The following CTNND2 variants were observed in gnomAD, a reference collection of about 807,000 sequenced individuals.
CTNND2 encodes catenin delta-2.
CTNND2 carries 22 observed loss-of-function variants against 144.4 expected under a neutral mutation model. The ratio of observed to expected loss-of-function variants is 0.15; its 90% confidence interval spans 0.11 to 0.22. CTNND2 has a LOEUF of 0.22. Ranked by LOEUF, CTNND2 falls within the 10% of genes least tolerant of loss-of-function variation. The pLI, the probability that CTNND2 is intolerant of heterozygous loss-of-function variation, is 1.00. For missense variants in CTNND2, 1,353 were observed against 1,618.8 expected (o/e 0.84, Z 2.82); for synonymous variants, 751 against 695.6 (o/e 1.08, Z -1.25).
intron 1 of CTNND2, among the ~76,000 whole-genome samples, chr5:11,735,340 T>A (rs1581796086): frequency 6.6e-6 from 1 of 152,262 alleles, no homozygotes; most frequent in Non-Finnish European, 1.5e-5. Flanking sequence ...TGTGCCCAGA[T>A]AAAGAGTGGA....
intron 11 of CTNND2, among the ~76,000 whole-genome samples, chr5:11,182,442 G>A (rs1457813253): frequency 6.6e-6 from 1 of 152,070 alleles, no homozygotes; most frequent in East Asian, 1.9e-4. Context: ...TTGGAGGAGA[G>A]GGATGGATGT....
chr5:11,010,621 G>A (rs946165214), intron 18 of CTNND2, among the ~76,000 whole-genome samples: 14 of 152,218 alleles, frequency 9.2e-5, no homozygotes, highest in African/African-American at 3.1e-4. Context: ...GATGACAAAA[G>A]GCTGTATTCA....
chr5:11,437,225 A>G (rs1233611719), intron 3 of CTNND2, among the ~76,000 whole-genome samples: 3 of 152,214 alleles, frequency 2.0e-5, no homozygotes, highest in Admixed American at 1.3e-4. Flanking sequence ...CATGACAGTA[A>G]TTCTCAAATC....
At chr5:11,280,800 G>A (rs1747034905) in intron 9 of CTNND2, among the ~76,000 whole-genome samples, 1 of 152,042 alleles carries the variant, frequency 6.6e-6, no homozygotes, top group African/African-American at 2.4e-5. Context: ...GTTTTTCCCT[G>A]AAAGTTGCAT....
chr5:11,440,851 C>A (rs763360794), intron 3 of CTNND2, among the ~76,000 whole-genome samples: 2 of 152,122 alleles, frequency 1.3e-5, no homozygotes, highest in Non-Finnish European at 2.9e-5. Context: ...GCTCTATTAT[C>A]CATAAAATTG....
intron 1 of CTNND2, among the ~76,000 whole-genome samples, chr5:11,749,532 C>A (rs1651167247): frequency 6.6e-6 from 1 of 151,884 alleles, no homozygotes; most frequent in African/African-American, 2.4e-5. Context: ...TCCTCAGGAG[C>A]CATCTCCAAG....
chr5:11,656,354 C>T (rs986149154), intron 2 of CTNND2, among the ~76,000 whole-genome samples: 3 of 151,780 alleles, frequency 2.0e-5, no homozygotes, highest in Admixed American at 2.0e-4. Flanking sequence ...TTTATAAAAC[C>T]TCTACCTTTG....
rs1410706920 is a variant in CTNND2, at chr5:10,988,900, A to G, written c.3212-658T>C. Among the ~76,000 whole-genome samples, 1 of 152,132 alleles carries G rather than the reference A, an allele frequency of 6.6e-6. No homozygotes were observed. The highest frequency in any genetic ancestry group is 2.4e-5 in the African/African-American group (1 of 41,438). ...GCATTCTTGCTCCAGCTTTTTGCAT[A>G]AACACCCCAATAATCTCTGAGGCCC... is the stretch of plus-strand genomic sequence containing the variant. On this transcript the variant is annotated intron_variant, in intron 19 of 21. Coordinates refer to ENST00000304623, the MANE Select transcript of CTNND2 (RefSeq NM_001332.4). The surrounding 1 kb of genome is among the most constrained non-coding windows in gnomAD (Gnocchi z 5.9).
chr5:11,279,554 A>T (rs987488918), intron 9 of CTNND2, among the ~76,000 whole-genome samples: 3 of 152,164 alleles, frequency 2.0e-5, no homozygotes, highest in African/African-American at 7.2e-5. Context: ...TCCACTTCAA[A>T]GCTAAGGAAA....
chr5:11,555,668 C>A (rs1776171295), intron 3 of CTNND2, among the ~76,000 whole-genome samples: 1 of 151,432 alleles, frequency 6.6e-6, no homozygotes, highest in African/African-American at 2.4e-5. Context: ...GAGGAACAAT[C>A]TCAGCATTAA....
intron 11 of CTNND2, among the ~76,000 whole-genome samples, chr5:11,161,782 A>C (rs758963072): frequency 6.6e-6 from 1 of 152,172 alleles, no homozygotes; most frequent in Non-Finnish European, 1.5e-5. Context: ...CAAAATACCA[A>C]TATCTAAAAA....
intron 17 of CTNND2, 120 bp from the exon 18 acceptor site, chr5:11,018,178 T>G: frequency 1.5e-6 from 1 of 687,734 alleles, no homozygotes; most frequent in South Asian, 1.7e-5. Context: ...TGATCTATGA[T>G]CAGTGCTCCC....
chr5:11,585,474 T>TTATC (rs1265521695), intron 2 of CTNND2, among the ~76,000 whole-genome samples: 13 of 96,704 alleles, frequency 1.3e-4, no homozygotes, highest in Non-Finnish European at 2.1e-4. Flanking sequence ...TTTATATATT[T>TTATC]TATCTATGTA....
chr5:11,042,507 A>G (rs1437314281), intron 16 of CTNND2, among the ~76,000 whole-genome samples: 1 of 152,248 alleles, frequency 6.6e-6, no homozygotes, highest in Non-Finnish European at 1.5e-5. Context: ...TGAGATGTTT[A>G]TGGATGAATT....
At position 11,790,177 on chromosome 5, in the gene CTNND2, G is replaced by A. The variant is rs1016094833; in HGVS notation, c.38-57905C>T. 1.9e-4 allele frequency among the ~76,000 whole-genome samples: 29 copies of A among 152,090 alleles called. 1 individual carries two copies. The highest frequency in any genetic ancestry group is 5.8e-4 in the African/African-American group (24 of 41,424). ...TCTGGCCGGGTTACTGGGGTATCCT[G>A]TATTGCTTATCTAAAAATTAAATTT... On this transcript the variant is annotated intron_variant, in intron 1 of 21. Transcript: ENST00000304623.
At chr5:11,396,844 T>C (rs1760187909) in intron 6 of CTNND2, among the ~76,000 whole-genome samples, 187 bp downstream of exon 6, 1 of 152,232 alleles carries the variant, frequency 6.6e-6, no homozygotes, top group African/African-American at 2.4e-5. Context: ...AATTTAGCAT[T>C]ACTCCATAAT....
intron 1 of CTNND2, among the ~76,000 whole-genome samples, chr5:11,761,863 G>A (rs999094797): frequency 2.6e-5 from 4 of 152,052 alleles, no homozygotes; most frequent in African/African-American, 9.7e-5. Context: ...AAAAATCTAA[G>A]TTGATCACCA....
intron 16 of CTNND2, among the ~76,000 whole-genome samples, chr5:11,047,525 A>G (rs748916103): frequency 1.3e-5 from 2 of 152,326 alleles, no homozygotes; most frequent in South Asian, 2.1e-4. Flanking sequence ...CCATGTCTAC[A>G]TACACACAGA....
intron 2 of CTNND2, among the ~76,000 whole-genome samples, chr5:11,582,762 G>C (rs961924227): frequency 6.6e-6 from 1 of 152,172 alleles, no homozygotes; most frequent in Non-Finnish European, 1.5e-5. Flanking sequence ...GCATCATATG[G>C]AGCCTGGACC....
Sources: gnomAD v4.1 joint callset for allele counts (sites outside exome capture counted in the v4.1 genomes callset) on GRCh38, gnomAD v4.1.1 for gene constraint, Gnocchi (gnomAD v3.1) non-coding constraint, MANE v1.5 for transcripts, NCBI Gene and HGNC (gene_info 2026-07-23, HGNC 2026-07-21) for gene names.